Variants in FHIT observed in about 807,000 individuals in gnomAD.
FHIT encodes fragile histidine triad diadenosine triphosphatase, also known as bis(5'-adenosyl)-triphosphatase.
Under a neutral mutation model 17.9 loss-of-function variants are expected in FHIT, and 19 were observed. That is an observed-to-expected ratio of 1.06 (90% CI 0.74 to 1.56). The LOEUF (loss-of-function observed/expected upper bound fraction) is 1.56, where lower values mean the gene tolerates loss of function less well. Ranked by LOEUF, FHIT falls within the 40% of genes most tolerant of loss-of-function variation. FHIT has a pLI of 0.00. For synonymous variants in FHIT, 81 were observed against 69.7 expected (o/e 1.16, Z -0.81); for missense variants, 248 against 189.2 (o/e 1.31, Z -1.82).
intron 3 of FHIT, among the ~76,000 whole-genome samples, chr3:60,945,717 A>G (rs552586699): frequency 2.0e-5 from 3 of 152,290 alleles, no homozygotes; most frequent in Non-Finnish European, 2.9e-5. Context: ...GTGGGGATGG[A>G]TACAGGTAGG....
At chr3:60,330,373 C>T (rs1709907392) in intron 5 of FHIT, among the ~76,000 whole-genome samples, 1 of 152,134 alleles carries the variant, frequency 6.6e-6, no homozygotes. Context: ...TAGACAAACA[C>T]CCCATCAGTC....
rs1041411031 is a variant in FHIT, at chr3:60,742,106, C to T, written c.-18+79813G>A. Among the ~76,000 whole-genome samples the T allele has an allele frequency of 5.9e-5, 9 of 152,258 alleles. No homozygotes were observed. The East Asian group carries it at 1.7e-3, about 29-fold the overall frequency. ...GGGCACTCTGAGCTTGTTTCCTCATCTGTAAAATAGCGGGGAAGTAGGGGA... is the reference window on the plus strand; with the variant it reads ...GGGCACTCTGAGCTTGTTTCCTCATTTGTAAAATAGCGGGGAAGTAGGGGA... On this transcript the variant is annotated intron_variant, in intron 4 of 9. Coordinates refer to ENST00000492590, the MANE Select transcript of FHIT (RefSeq NM_002012.4).
chr3:60,530,880 T>C (rs1241495347), intron 5 of FHIT, among the ~76,000 whole-genome samples: 2 of 152,216 alleles, frequency 1.3e-5, no homozygotes, highest in African/African-American at 4.8e-5. Flanking sequence ...TATCAGAAGC[T>C]GCTTGTAGCT....
chr3:60,490,296 C>CGA (rs1273122322), intron 5 of FHIT, among the ~76,000 whole-genome samples: 1 of 151,978 alleles, frequency 6.6e-6, no homozygotes, highest in Non-Finnish European at 1.5e-5. Context: ...GACATCGTTA[C>CGA]TGCTTCAAAA....
chr3:61,249,630 G>C (rs1197474397), intron 1 of FHIT, among the ~76,000 whole-genome samples: 1 of 152,000 alleles, frequency 6.6e-6, no homozygotes, highest in African/African-American at 2.4e-5. Flanking sequence ...CCTAGCCTTA[G>C]TTTTCTAATC....
chr3:61,140,449 G>A lies in FHIT; in HGVS notation c.-164+60168C>T, dbSNP rs146920017. On this transcript the variant is annotated intron_variant, in intron 2 of 9. Transcript: ENST00000492590. The stretch of plus-strand genomic sequence containing the variant: ...CATCCTTTTTGCTATTAGAGAGTAT[G>A]CAAAAGAGGAAATATAAAGAACGGC... 2.2e-3 allele frequency among the ~76,000 whole-genome samples: 341 copies of A among 152,270 alleles called. 4 individuals carry two copies. The highest frequency in any genetic ancestry group is 0.01 in the Middle Eastern group (3 of 294).
chr3:60,351,219 C>T (rs746785655), intron 5 of FHIT, among the ~76,000 whole-genome samples: 4 of 152,146 alleles, frequency 2.6e-5, no homozygotes, highest in African/African-American at 7.2e-5. Flanking sequence ...AGGGGCCTAC[C>T]CCTTAATGTT....
At chr3:61,089,619 G>A (rs2035416564) in intron 2 of FHIT, among the ~76,000 whole-genome samples, 1 of 152,106 alleles carries the variant, frequency 6.6e-6, no homozygotes, top group Non-Finnish European at 1.5e-5. Context: ...AAAAGAAATA[G>A]TTAAAGGGAT....
At chr3:60,955,617 T>TACGTATATATATATAC (rs1559862368) in intron 3 of FHIT, among the ~76,000 whole-genome samples, 2 of 13,872 alleles carry the variant, frequency 1.4e-4, no homozygotes, top group Admixed American at 1.6e-3. Flanking sequence ...TATATATATA[T>TACGTATATATATATAC]ATATATATAT....
In FHIT at chr3:61,199,214, G is replaced by C. The variant is rs145129468; in HGVS notation, c.-164+1403C>G. On this transcript the variant is annotated intron_variant, in intron 2 of 9. Transcript: ENST00000492590. ...ATTTTCATTGAGAATAAAGAAAATGGACTGTGCCTGTGTGGAAACATTCCC... is the reference window on the plus strand; with the variant it reads ...ATTTTCATTGAGAATAAAGAAAATGCACTGTGCCTGTGTGGAAACATTCCC... 4.6e-5 allele frequency among the ~76,000 whole-genome samples: 7 copies of C among 152,260 alleles called. No homozygotes were observed. The East Asian group carries it at 9.7e-4, about 21-fold the overall frequency.
intron 2 of FHIT, among the ~76,000 whole-genome samples, chr3:61,071,917 C>T (rs532846379): frequency 2.6e-4 from 39 of 152,282 alleles, no homozygotes; most frequent in Non-Finnish European, 3.7e-4. Context: ...GTTTTTATAA[C>T]TTATTACTGA....
intron 5 of FHIT, among the ~76,000 whole-genome samples, chr3:60,433,419 C>A (rs887823369): frequency 2.0e-5 from 3 of 152,130 alleles, no homozygotes; most frequent in African/African-American, 7.2e-5. Flanking sequence ...GATTTTAATT[C>A]TTTAAAATAC....
At chr3:61,204,696 A>C (rs1325121875) in intron 1 of FHIT, among the ~76,000 whole-genome samples, 1 of 152,234 alleles carries the variant, frequency 6.6e-6, no homozygotes, top group Non-Finnish European at 1.5e-5. Context: ...ATAAGTTTTG[A>C]AAAGAAAAGT....
At chr3:61,099,041 T>C (rs1053565059) in intron 2 of FHIT, among the ~76,000 whole-genome samples, 1 of 152,202 alleles carries the variant, frequency 6.6e-6, no homozygotes, top group Non-Finnish European at 1.5e-5. Context: ...TTTAGTATGA[T>C]GTTGGCTGTC....
intron 5 of FHIT, among the ~76,000 whole-genome samples, chr3:60,120,509 C>G (rs1232879824): frequency 6.6e-6 from 1 of 152,146 alleles, no homozygotes; most frequent in Non-Finnish European, 1.5e-5. Context: ...CCAACTTGGC[C>G]AAACCCAGGG....
chr3:60,964,007 ATCTG>A (rs1471328099), intron 3 of FHIT, among the ~76,000 whole-genome samples: 2 of 152,100 alleles, frequency 1.3e-5, no homozygotes, highest in African/African-American at 4.8e-5. Flanking sequence ...TGTCTCATTG[ATCTG>A]TCTAATGTTG....
intron 5 of FHIT, among the ~76,000 whole-genome samples, chr3:60,315,956 C>T (rs1294213024): frequency 1.3e-5 from 2 of 152,154 alleles, no homozygotes; most frequent in African/African-American, 4.8e-5. Context: ...CAAAATCATG[C>T]TGCATTAAAT....
At chr3:60,094,732 C>T (rs1000651016) in intron 5 of FHIT, among the ~76,000 whole-genome samples, 1 of 151,454 alleles carries the variant, frequency 6.6e-6, no homozygotes, top group African/African-American at 2.4e-5. Context: ...AGAGTGGTAG[C>T]TGGGTGCTGC....
chr3:61,190,828 A>T (rs2038690395), intron 2 of FHIT, among the ~76,000 whole-genome samples: 1 of 151,490 alleles, frequency 6.6e-6, no homozygotes, highest in Non-Finnish European at 1.5e-5. Context: ...AACTATCACA[A>T]GGACAAAACA....
Sources: gnomAD v4.1 joint callset for allele counts (sites outside exome capture counted in the v4.1 genomes callset) on GRCh38, gnomAD v4.1.1 for gene constraint, MANE v1.5 for transcripts, NCBI Gene and HGNC (gene_info 2026-07-23, HGNC 2026-07-21) for gene names.